Variants in CFAP57 observed in about 807,000 individuals in gnomAD.
The protein encoded by CFAP57 is cilia and flagella associated protein 57.
CFAP57 carries 116 observed loss-of-function variants against 146.8 expected under a neutral mutation model. The observed-to-expected ratio is 0.79, with a 90% CI of 0.68 to 0.92. The LOEUF (loss-of-function observed/expected upper bound fraction) is 0.92. CFAP57 is among the 40% of genes least tolerant of loss of function. The pLI is 0.00. For missense variants in CFAP57, 1,377 were observed against 1,527.2 expected (o/e 0.90, Z 1.64); for synonymous variants, 518 against 552.8 (o/e 0.94, Z 0.88).
At chr1:43,250,942 G>C (rs1313479139) in intron 22 of CFAP57, among the ~76,000 whole-genome samples, 2 of 152,190 alleles carry the variant, frequency 1.3e-5, no homozygotes, top group Non-Finnish European at 2.9e-5. Context: ...AGCAGATGCT[G>C]CTCACCTATC....
chr1:43,173,189 A>T (rs1403241439), intron 2 of CFAP57, among the ~76,000 whole-genome samples: 1 of 152,228 alleles, frequency 6.6e-6, no homozygotes, highest in Admixed American at 6.5e-5. Context: ...TGTCTTCAAT[A>T]TCACTGCCTT....
intron 9 of CFAP57, among the ~76,000 whole-genome samples, chr1:43,204,542 G>T (rs958201645): frequency 6.6e-6 from 1 of 152,166 alleles, no homozygotes; most frequent in Non-Finnish European, 1.5e-5. Flanking sequence ...TGACTTGGCT[G>T]AGCTAATTCT....
intron 21 of CFAP57, 92 bp from the exon 22 acceptor site, chr1:43,243,135 C>T: frequency 7.1e-7 from 1 of 1,413,612 alleles, no homozygotes; most frequent in Non-Finnish European, 9.4e-7. Flanking sequence ...TAACCCTGCC[C>T]ATTCCCCATA....
intron 2 of CFAP57, among the ~76,000 whole-genome samples, chr1:43,173,178 G>T (rs552123463): frequency 6.6e-6 from 1 of 152,112 alleles, no homozygotes; most frequent in African/African-American, 2.4e-5. Context: ...CCCTCTTTTG[G>T]TGTCTTCAAT....
rs370666452 is a variant in CFAP57 at position 43,230,748 on chromosome 1, ACCT to A, written c.3010-1755_3010-1753del. 3.3e-4 allele frequency among the ~76,000 whole-genome samples: 50 copies of A among 152,014 alleles called. 1 individual carries two copies. The highest frequency in any genetic ancestry group is 1.1e-3 in the African/African-American group (46 of 41,430). ...CCATCTTTTTGGGTGCTGCCTGCTC[ACCT>A]CCTCTGTGTACACACAGTGCTTTCT... On this transcript the variant is annotated intron_variant, in intron 18 of 22. Transcript: ENST00000372492.
At chr1:43,193,603 A>T (rs370847739) in intron 6 of CFAP57, among the ~76,000 whole-genome samples, 4 of 152,106 alleles carry the variant, frequency 2.6e-5, no homozygotes, top group East Asian at 3.8e-4. Flanking sequence ...TGCTAGTAAC[A>T]TATAGAAATG....
intron 22 of CFAP57, among the ~76,000 whole-genome samples, chr1:43,243,889 G>A (rs2124666508): frequency 6.6e-6 from 1 of 152,312 alleles, no homozygotes; most frequent in South Asian, 2.1e-4. Context: ...GTCAGTTACT[G>A]CAATTATATC....
chr1:43,233,739 G>A (rs1393132576), intron 19 of CFAP57, among the ~76,000 whole-genome samples: 2 of 152,172 alleles, frequency 1.3e-5, no homozygotes, highest in East Asian at 3.9e-4. Flanking sequence ...CAGGGTTGGG[G>A]AAGACAGGTA....
intron 13 of CFAP57, 140 bp downstream of exon 13, chr1:43,219,677 T>C: frequency 9.0e-7 from 1 of 1,108,708 alleles, no homozygotes; most frequent in Non-Finnish European, 1.3e-6. Flanking sequence ...GTCGTTGATA[T>C]CAGAAATGCT....
intron 16 of CFAP57, 59 bp from the exon 17 acceptor site, chr1:43,223,987 G>A (rs2124568854): frequency 2.0e-6 from 3 of 1,536,540 alleles, no homozygotes; most frequent in Non-Finnish European, 2.6e-6. Flanking sequence ...GAGACAGTGG[G>A]AGGGATGGAG....
intron 9 of CFAP57, among the ~76,000 whole-genome samples, chr1:43,203,564 G>T (rs984824099): frequency 6.6e-6 from 1 of 152,100 alleles, no homozygotes; most frequent in Middle Eastern, 3.2e-3. Flanking sequence ...GGGTTCAAAC[G>T]ATTCTCCTGC....
chr1:43,184,287 A>G (rs1645548613), intron 4 of CFAP57, among the ~76,000 whole-genome samples: 1 of 152,206 alleles, frequency 6.6e-6, no homozygotes, highest in African/African-American at 2.4e-5. Flanking sequence ...CGACAGACCA[A>G]CAAGTGCAAG....
chr1:43,237,286 C>A (rs1218390313), intron 21 of CFAP57, among the ~76,000 whole-genome samples: 1 of 152,184 alleles, frequency 6.6e-6, no homozygotes, highest in African/African-American at 2.4e-5. Flanking sequence ...TCAGCCTCCC[C>A]ACTCCATTCC....
Position 43,238,833 on chromosome 1 carries a change from G to A in CFAP57, c.3405+4195G>A, listed in dbSNP as rs548771400. The stretch of plus-strand genomic sequence containing the variant: ...AGCAGGGCTCTCTGGATGGAGGCAC[G>A]ACAGGGTTCAGACACCAGCTCTACC... On this transcript the variant is annotated intron_variant, in intron 21 of 22. Coordinates refer to ENST00000372492, the MANE Select transcript of CFAP57 (RefSeq NM_001378189.1). This position sits in a 1 kb window ranked among gnomAD's most constrained non-coding sequence, Gnocchi z 4.3. Among the ~76,000 whole-genome samples the A allele has an allele frequency of 5.3e-5, 8 of 152,194 alleles. No homozygotes were observed. The South Asian group carries it at 8.3e-4, about 16-fold the overall frequency.
At chr1:43,205,783 T>G (rs1644333491) in intron 9 of CFAP57, among the ~76,000 whole-genome samples, 1 of 151,924 alleles carries the variant, frequency 6.6e-6, no homozygotes, top group Admixed American at 6.6e-5. Context: ...TAGCCCAAGA[T>G]CAGGAGCTAT....
At chr1:43,222,334 A>G in intron 15 of CFAP57, 39 bp downstream of exon 15, 1 of 1,388,220 alleles carries the variant, frequency 7.2e-7, no homozygotes. Context: ...CCTTTCACAG[A>G]GAAAAGCCAC....
chr1:43,250,814 TACAA>T (rs1435493522), intron 22 of CFAP57, among the ~76,000 whole-genome samples: 2 of 152,140 alleles, frequency 1.3e-5, no homozygotes, highest in African/African-American at 4.8e-5. Flanking sequence ...AACACACAAT[TACAA>T]ACAAGTCCTC....
rs1346146319 is a variant in CFAP57, at chr1:43,190,261, G to GTC, written c.1122+3406_1122+3407dup. Among the ~76,000 whole-genome samples, 9 of 122,628 alleles carry GTC rather than the reference G, an allele frequency of 7.3e-5. No homozygotes were observed. In the East Asian group the frequency reaches 2.3e-3, roughly 31 times the overall value. The allele number at this position is 122,628 out of a possible 152,430, so 80.4% of individuals were successfully genotyped here. A position where few individuals can be genotyped will look rare whatever the true frequency, so the allele number is the denominator to read the frequency against. The stretch of plus-strand genomic sequence containing the variant: ...CCTAATCTTAGGGAGAAAGCATCCA[G>GTC]TCTCTTTTTTTTTTTTTTTTTTTTT... On this transcript the variant is annotated intron_variant, in intron 6 of 22. Coordinates refer to ENST00000372492, the MANE Select transcript of CFAP57 (RefSeq NM_001378189.1).
At position 43,224,157 on chromosome 1, in the gene CFAP57, G is replaced by A; in HGVS notation, c.2818G>A (p.Gly940Ser). 1 of 1,549,794 alleles carries A rather than the reference G, an allele frequency of 6.5e-7. No homozygotes were observed. Among genetic ancestry groups the A allele is most frequent in the Non-Finnish European group, 8.7e-7 (1 of 1,146,590 alleles). ...TAAGTCTCTGGAGAAGGACATCCAA[G>A]GCCTCAAGCGAGAGATCCAGGAAAG... ...VIKSLEKDIQ[G>S]LKREIQERDE... is the part of the protein sequence containing the mutation. The change falls in exon 17 of 23, where the codon GGC becomes AGC. Residue 940 changes from glycine (G) to serine (S), a missense_variant. By Grantham distance (56) the Gly-to-Ser change is moderately conservative. Transcript: ENST00000372492.
Sources: allele counts gnomAD v4.1 joint callset (sites outside exome capture counted in the v4.1 genomes callset), GRCh38; gene constraint gnomAD v4.1.1; non-coding constraint Gnocchi (gnomAD v3.1); transcripts MANE v1.5; gene names NCBI Gene and HGNC (gene_info 2026-07-23, HGNC 2026-07-21).